The following TXNDC11 variants were observed in gnomAD, a reference collection of about 807,000 sequenced individuals.
The protein encoded by TXNDC11 is thioredoxin domain-containing protein 11.
A neutral mutation model predicts 78.0 loss-of-function variants in TXNDC11; 68 were observed. The observed-to-expected ratio is 0.87, with a 90% confidence interval of 0.72 to 1.07. The LOEUF (loss-of-function observed/expected upper bound fraction) is 1.07. Among genes scored for constraint, TXNDC11 ranks in the 50% least tolerant of loss-of-function variants. The pLI, the probability that TXNDC11 is intolerant of heterozygous loss-of-function variation, is 0.00. For missense variants in TXNDC11, 1,389 were observed against 1,221.8 expected (o/e 1.14, Z -2.04); for synonymous variants, 571 against 495.2 (o/e 1.15, Z -2.03).
intron 5 of TXNDC11, among the ~76,000 whole-genome samples, chr16:11,717,693 C>T (rs979683085): frequency 6.7e-6 from 1 of 149,878 alleles, no homozygotes; most frequent in Non-Finnish European, 1.5e-5. Context: ...TGGTGGCAGG[C>T]GCCTGTAATC....
intron 5 of TXNDC11, among the ~76,000 whole-genome samples, chr16:11,711,826 G>T (rs1482686817): frequency 3.9e-5 from 6 of 152,160 alleles, no homozygotes; most frequent in Admixed American, 2.6e-4. Context: ...TGTGAAACTG[G>T]AATAAACACT....
In TXNDC11 at chr16:11,721,568, AT is replaced by A. The variant is rs1567337103; in HGVS notation, c.793+8del. The A allele has an allele frequency of 4.5e-6, 7 of 1,546,402 alleles. No homozygotes were observed. The highest frequency in any genetic ancestry group is 4.5e-5 in the South Asian group (4 of 88,552). On this transcript the variant is annotated splice_region_variant and intron_variant, in intron 5 of 11. Coordinates refer to ENST00000283033, the MANE Select transcript of TXNDC11 (RefSeq NM_015914.7). ...AAGTAACAATGTCTTAATATGAATCATTTTTTACCTTTCTTTAATGAATGTA... is the reference window on the plus strand; with the variant it reads ...AAGTAACAATGTCTTAATATGAATCATTTTTACCTTTCTTTAATGAATGTA...
intron 3 of TXNDC11, among the ~76,000 whole-genome samples, chr16:11,732,657 C>G (rs1323584249): frequency 6.6e-6 from 1 of 152,086 alleles, no homozygotes. Flanking sequence ...CATCTAATAT[C>G]CAGAGGAAAA....
chr16:11,706,314 C>G (rs2051177594), intron 5 of TXNDC11, among the ~76,000 whole-genome samples: 1 of 152,226 alleles, frequency 6.6e-6, no homozygotes, highest in Non-Finnish European at 1.5e-5. Context: ...CAGCATGTCT[C>G]TTGGCGCCAC....
chr16:11,699,609 C>T (rs1375382245), intron 6 of TXNDC11, among the ~76,000 whole-genome samples: 5 of 152,236 alleles, frequency 3.3e-5, no homozygotes, highest in African/African-American at 4.8e-5. Context: ...ATCTGGGCTA[C>T]GAGAGATATG....
chr16:11,699,510 T>C (rs529835544), intron 6 of TXNDC11, among the ~76,000 whole-genome samples: 34 of 152,342 alleles, frequency 2.2e-4, no homozygotes, highest in African/African-American at 7.2e-4. Flanking sequence ...TGAAAAACCA[T>C]ACTCAAACTA....
At chr16:11,698,414 T>TA in intron 6 of TXNDC11, 89 bp from the exon 7 acceptor site, 1 of 1,194,594 alleles carries the variant, frequency 8.4e-7, no homozygotes, top group Non-Finnish European at 1.2e-6. Flanking sequence ...ACCCCACCAC[T>TA]AAGGGTGAGA....
At chr16:11,705,279 G>C (rs1191946289) in intron 5 of TXNDC11, among the ~76,000 whole-genome samples, 3 of 152,194 alleles carry the variant, frequency 2.0e-5, no homozygotes, top group Non-Finnish European at 2.9e-5. Context: ...ACTGGCTAAA[G>C]ACAGGCAATT....
At chr16:11,730,535 T>C (rs183824575) in intron 4 of TXNDC11, 110 bp downstream of exon 4, 1 of 1,153,920 alleles carries the variant, frequency 8.7e-7, no homozygotes, top group East Asian at 2.4e-5. Flanking sequence ...CATGACCTTT[T>C]ACTTGCTGCA....
chr16:11,686,690 T>G (rs531062398), intron 10 of TXNDC11, among the ~76,000 whole-genome samples: 6 of 152,366 alleles, frequency 3.9e-5, no homozygotes, highest in African/African-American at 1.4e-4. Context: ...TTACATTTAT[T>G]AGGTTATAAT....
Position 11,691,888 on chromosome 16 carries a change from G to A in TXNDC11, c.1302C>T (p.Ser434=). 6.2e-7 allele frequency: 1 copy of A among 1,614,214 alleles called. No homozygotes were observed. Among genetic ancestry groups the A allele is most frequent in the Non-Finnish European group, 8.5e-7 (1 of 1,180,000 alleles). ...CNTVVLPQWH[S]FSRTHNVCEL... Reference sequence around the variant, plus strand: ...CACAGACGTTGTGGGTCCTGGAGAAGGAGTGCCACTGGGGCAGCACCACAG... The same window carrying A: ...CACAGACGTTGTGGGTCCTGGAGAAAGAGTGCCACTGGGGCAGCACCACAG... The change falls in exon 8 of 12, where the codon TCC becomes TCT. Residue 434 remains serine, a synonymous_variant. Coordinates refer to ENST00000283033, the MANE Select transcript of TXNDC11 (RefSeq NM_015914.7).
intron 5 of TXNDC11, among the ~76,000 whole-genome samples, chr16:11,718,800 T>C (rs1232178015): frequency 6.6e-6 from 1 of 152,152 alleles, no homozygotes; most frequent in Non-Finnish European, 1.5e-5. Context: ...AATCACAGGA[T>C]AGGGAAGAGA....
chr16:11,730,546 A>G (rs1372208004), intron 4 of TXNDC11, 99 bp downstream of exon 4: 10 of 1,291,938 alleles, frequency 7.7e-6, no homozygotes, highest in Middle Eastern at 1.9e-4. Context: ...ACTTGCTGCA[A>G]TTCAGGAGGT....
chr16:11,702,449 C>T (rs534397483), intron 5 of TXNDC11, among the ~76,000 whole-genome samples: 17 of 152,254 alleles, frequency 1.1e-4, no homozygotes, highest in African/African-American at 4.1e-4. Context: ...GGGTGGATTG[C>T]CTGAGCTCAG....
chr16:11,736,137 A>G lies in TXNDC11; in HGVS notation c.351T>C (p.Tyr117=). Residue 117 remains tyrosine (Y), a synonymous_variant, in exon 2 of 12, where the codon TAT becomes TAC. Transcript: ENST00000283033. ...CTGAATCCCGTCGAACGTACTCTGC[A>G]TAATCCAGCTGCCCCTGGAAGAGGT... ...VLDLFQGQLD[Y]AEYVRRDSEV... 6.2e-7 allele frequency: 1 copy of G among 1,614,242 alleles called. No individual in the cohort carries two copies. The highest frequency in any genetic ancestry group is 1.1e-5 in the South Asian group (1 of 91,088).
chr16:11,701,602 A>G (rs944958542), intron 5 of TXNDC11, among the ~76,000 whole-genome samples: 4 of 152,198 alleles, frequency 2.6e-5, no homozygotes, highest in Non-Finnish European at 5.9e-5. Flanking sequence ...AACAAGGAAA[A>G]TTGTTAACAT....
intron 5 of TXNDC11, among the ~76,000 whole-genome samples, chr16:11,717,431 A>G (rs2051559673): frequency 7.1e-6 from 1 of 141,404 alleles, no homozygotes; most frequent in Non-Finnish European, 1.6e-5. Context: ...CGAGACTCCA[A>G]ATGAAAAAAA....
At chr16:11,719,359 C>T (rs1291503726) in intron 5 of TXNDC11, among the ~76,000 whole-genome samples, 1 of 152,142 alleles carries the variant, frequency 6.6e-6, no homozygotes. Context: ...TTCAAACTTC[C>T]ATTTGCTAAG....
At chr16:11,694,860 A>G (rs1355005538) in intron 7 of TXNDC11, among the ~76,000 whole-genome samples, 1 of 152,250 alleles carries the variant, frequency 6.6e-6, no homozygotes, top group East Asian at 1.9e-4. Context: ...AACTCATGTC[A>G]CATTCTGTGT....
Sources: gnomAD v4.1 joint callset for allele counts (sites outside exome capture counted in the v4.1 genomes callset) on GRCh38, gnomAD v4.1.1 for gene constraint, MANE v1.5 for transcripts, NCBI Gene and HGNC (gene_info 2026-07-23, HGNC 2026-07-21) for gene names.